Variants in KCNIP4 observed in about 807,000 individuals in gnomAD.
KCNIP4 encodes the protein potassium voltage-gated channel interacting protein 4.
In KCNIP4, 12 loss-of-function variants were observed where a neutral mutation model predicts 34.0. The ratio of observed to expected loss-of-function variants is 0.35; its 90% CI spans 0.23 to 0.57. The LOEUF (loss-of-function observed/expected upper bound fraction) is 0.57, where lower values mean the gene tolerates loss of function less well. Among genes scored for constraint, KCNIP4 ranks in the 20% least tolerant of loss-of-function variants. The probability of loss-of-function intolerance (pLI) is 0.83; values close to 1 mark genes in which losing one functional copy is unlikely to be tolerated. For missense variants in KCNIP4, 238 were observed against 311.7 expected, an observed-to-expected ratio of 0.76 and a Z score of 1.78; for synonymous variants, 124 against 102.2, an observed-to-expected ratio of 1.21 and a Z score of -1.29.
chr4:20,992,976 C>T (rs1009324962), intron 1 of KCNIP4, among the ~76,000 whole-genome samples: 12 of 133,744 alleles, frequency 9.0e-5, no homozygotes, highest in African/African-American at 3.2e-4. Flanking sequence ...TGCAGTGAGC[C>T]GAGATCATGC....
chr4:21,470,836 G>T (rs928204320), intron 1 of KCNIP4, among the ~76,000 whole-genome samples: 1 of 144,746 alleles, frequency 6.9e-6, no homozygotes, highest in Non-Finnish European at 1.5e-5. Context: ...AAAAAAAAAA[G>T]TCCTCTTTGA....
rs188634015 is a variant in KCNIP4 at position 21,662,437 on chromosome 4, C to T, written c.61+286134G>A. ...CTCACTGGCCTGAAAGATGGGCTAC[C>T]ATAACATCTGCCTACAAAGTGATTT... On this transcript the variant is annotated intron_variant, in intron 1 of 8. Transcript: ENST00000382152. Among the ~76,000 whole-genome samples, 51 of 152,214 alleles carry T rather than the reference C, an allele frequency of 3.4e-4. No individual in the cohort carries two copies. In the South Asian group the frequency reaches 3.7e-3, roughly 11 times the overall value.
In KCNIP4 at chr4:21,331,146, T is replaced by A. The variant is rs115574708; in HGVS notation, c.62-448437A>T. ...CTTTCTATTCTCAACTTTGACTATTTTTTTTTGCTCTGTGGGCTAAAACTA... is the reference window on the plus strand; with the variant it reads ...CTTTCTATTCTCAACTTTGACTATTATTTTTTGCTCTGTGGGCTAAAACTA... On this transcript the variant is annotated intron_variant, in intron 1 of 8. Transcript: ENST00000382152. 5.2e-3 allele frequency among the ~76,000 whole-genome samples: 791 copies of A among 152,274 alleles called. 13 individuals carry two copies. The highest frequency in any genetic ancestry group is 0.018 in the African/African-American group (742 of 41,574).
chr4:21,120,577 G>A (rs948932731), intron 1 of KCNIP4, among the ~76,000 whole-genome samples: 1 of 152,180 alleles, frequency 6.6e-6, no homozygotes, highest in Non-Finnish European at 1.5e-5. Context: ...CACATCTTAC[G>A]TGGTGACAGG....
At chr4:21,348,668 G>A (rs1281504194) in intron 1 of KCNIP4, among the ~76,000 whole-genome samples, 7 of 152,150 alleles carry the variant, frequency 4.6e-5, no homozygotes, top group Non-Finnish European at 1.0e-4. Context: ...TTATAAATGA[G>A]AAGCCCAAAT....
At chr4:21,677,542 C>T (rs1278613877) in intron 1 of KCNIP4, among the ~76,000 whole-genome samples, 1 of 152,132 alleles carries the variant, frequency 6.6e-6, no homozygotes, top group Non-Finnish European at 1.5e-5. Flanking sequence ...ATAGGGTTTC[C>T]TAAAGCATTG....
chr4:20,998,280 G>A (rs997625336), intron 1 of KCNIP4, among the ~76,000 whole-genome samples: 4 of 152,154 alleles, frequency 2.6e-5, no homozygotes, highest in Non-Finnish European at 5.9e-5. Context: ...GGATCATTGA[G>A]TTCACTGTAG....
intron 1 of KCNIP4, among the ~76,000 whole-genome samples, chr4:21,415,648 G>C (rs1412019992): frequency 6.6e-6 from 1 of 152,156 alleles, no homozygotes; most frequent in African/African-American, 2.4e-5. Context: ...GTTGTAGTGA[G>C]CTGAGAGTGT....
intron 5 of KCNIP4, among the ~76,000 whole-genome samples, chr4:20,737,921 C>T (rs1750043286): frequency 6.6e-6 from 1 of 152,026 alleles, no homozygotes. Flanking sequence ...TGTTTGAGTC[C>T]AAGAGTTTGC....
At chr4:20,837,684 A>ATTTTTTT (rs773131443) in intron 3 of KCNIP4, among the ~76,000 whole-genome samples, 10 of 102,552 alleles carry the variant, frequency 9.8e-5, no homozygotes, top group African/African-American at 4.0e-4. Context: ...ATATATATAT[A>ATTTTTTT]TATTTTTTTT....
intron 1 of KCNIP4, among the ~76,000 whole-genome samples, chr4:21,931,906 G>A (rs1729590718): frequency 6.6e-6 from 1 of 152,060 alleles, no homozygotes; most frequent in East Asian, 1.9e-4. Flanking sequence ...CAGTGTAAAA[G>A]TGTTCCTATT....
At chr4:21,494,871 T>C (rs1732730008) in intron 1 of KCNIP4, among the ~76,000 whole-genome samples, 1 of 152,102 alleles carries the variant, frequency 6.6e-6, no homozygotes, top group African/African-American at 2.4e-5. Flanking sequence ...AATTACTAAG[T>C]CTGTTAAAAT....
intron 1 of KCNIP4, among the ~76,000 whole-genome samples, chr4:21,932,912 G>C (rs13126050): frequency 0.26 from 39,014 of 151,736 alleles, 5,929 homozygotes; most frequent in East Asian, 0.62. Flanking sequence ...ACATGCCCTA[G>C]ATATTTTACA....
chr4:21,782,292 A>G (rs563577910), intron 1 of KCNIP4, among the ~76,000 whole-genome samples: 1 of 152,346 alleles, frequency 6.6e-6, no homozygotes, highest in East Asian at 1.9e-4. Context: ...AAAAGAAAAT[A>G]GGAGTGGCTA....
intron 1 of KCNIP4, among the ~76,000 whole-genome samples, chr4:21,737,677 C>A (rs1352934643): frequency 6.6e-6 from 1 of 152,090 alleles, no homozygotes; most frequent in African/African-American, 2.4e-5. Context: ...CAGCTTAGGT[C>A]CCTGGTTCTG....
intron 1 of KCNIP4, among the ~76,000 whole-genome samples, chr4:21,071,949 A>G (rs11733166): frequency 0.14 from 20,989 of 152,188 alleles, 1,692 homozygotes; most frequent in East Asian, 0.24. Flanking sequence ...AGCTTCATCC[A>G]TGTCCCTACA....
intron 5 of KCNIP4, among the ~76,000 whole-genome samples, chr4:20,748,560 TTATATATATA>T (rs3075750): frequency 0.16 from 10,366 of 63,884 alleles, 579 homozygotes; most frequent in Admixed American, 0.21. Flanking sequence ...CTTCCAAATT[TTATATATATA>T]TATATATATA....
intron 1 of KCNIP4, among the ~76,000 whole-genome samples, chr4:21,855,150 G>A (rs191680461): frequency 3.9e-5 from 6 of 152,266 alleles, no homozygotes; most frequent in South Asian, 2.1e-4. Flanking sequence ...ATGGAGAGCC[G>A]TCTATTGTTC....
intron 1 of KCNIP4, among the ~76,000 whole-genome samples, chr4:21,040,075 AACTC>A (rs1741820776): frequency 6.6e-6 from 1 of 152,092 alleles, no homozygotes; most frequent in Admixed American, 6.6e-5. Context: ...ATCTCATGAG[AACTC>A]ACTCACCATC....
Sources: allele counts gnomAD v4.1 joint callset (sites outside exome capture counted in the v4.1 genomes callset), GRCh38; gene constraint gnomAD v4.1.1; transcripts MANE v1.5; gene names NCBI Gene and HGNC (gene_info 2026-07-23, HGNC 2026-07-21).